The following FAM76B variants were observed in gnomAD, a reference collection of about 807,000 sequenced individuals.
FAM76B encodes family with sequence similarity 76 member B.
In FAM76B, 16 loss-of-function variants were observed where a neutral mutation model predicts 51.8. The ratio of observed to expected loss-of-function variants is 0.31; its 90% CI spans 0.21 to 0.47. The LOEUF (loss-of-function observed/expected upper bound fraction) is 0.47. Among genes scored for constraint, FAM76B ranks in the 20% least tolerant of loss-of-function variants. FAM76B has a pLI of 1.00. For missense variants in FAM76B, 342 were observed against 392.6 expected (o/e 0.87, Z 1.09); for synonymous variants, 166 against 129.5 (o/e 1.28, Z -1.91).
rs1860875324 is a variant in FAM76B, at chr11:95,789,558, G to C, written c.-80C>G. ...GAGAACCCGAGAGCCGCCGCCGCCC[G>C]GGCCGCGGGCTCCTCCTCCTCCCCC... On this transcript the variant is annotated 5_prime_UTR_variant, in exon 1 of 10. Transcript: ENST00000358780. The C allele has an allele frequency of 7.6e-7, 1 of 1,321,798 alleles. No homozygotes were observed. The highest frequency in any genetic ancestry group is 1.5e-5 in the African/African-American group (1 of 65,346). The allele number at this position is 1,321,798 out of a possible 1,614,324, so 81.9% of individuals were successfully genotyped here.
rs1860866651 is a variant in FAM76B, at chr11:95,789,517, G to A, written c.-39C>T. 3 of 1,557,302 alleles carry A rather than the reference G, an allele frequency of 1.9e-6. No homozygotes were observed. Among genetic ancestry groups the A allele is most frequent in the African/African-American group, 1.4e-5 (1 of 72,858 alleles). On this transcript the variant is annotated 5_prime_UTR_variant, in exon 1 of 10. Transcript: ENST00000358780. ...CTCCTCCTCCGCCGCCGCCCGCTCC[G>A]AGGCGGGGCCCTACGGAGAACCCGA...
intron 4 of FAM76B, among the ~76,000 whole-genome samples, 166 bp downstream of exon 4, chr11:95,785,953 C>T (rs1233530948): frequency 6.6e-6 from 1 of 152,200 alleles, no homozygotes; most frequent in African/African-American, 2.4e-5. Flanking sequence ...ATCTATGTAT[C>T]ATGCAAACAA....
chr11:95,776,716 A>G (rs1860028389), intron 8 of FAM76B, among the ~76,000 whole-genome samples: 1 of 151,374 alleles, frequency 6.6e-6, no homozygotes, highest in Admixed American at 6.6e-5. Flanking sequence ...GACATACCTA[A>G]CAGTATAATA....
In FAM76B at chr11:95,779,744, A is replaced by G. The variant is rs1048935958; in HGVS notation, c.612-57T>C. 4 of 1,583,290 alleles carry G rather than the reference A, an allele frequency of 2.5e-6. No homozygotes were observed. The Admixed American group carries it at 5.4e-5, about 21-fold the overall frequency. On this transcript the variant is annotated intron_variant, in intron 6 of 9. Coordinates refer to ENST00000358780, the MANE Select transcript of FAM76B (RefSeq NM_144664.5). ...GTAAAAAGGACAGAGAAACCAAATG[A>G]TAAGTTATTCATCTTCCCCTAAAAT...
rs900651632 is a variant in FAM76B at position 95,772,378 on chromosome 11, GTCCA to G, written c.931-732_931-729del. ...TCTGACTTGAATTTCATTATTAAATGTCCATCCATCACTAGTTTAGTGAAGAGGA... is the reference window on the plus strand; with the variant it reads ...TCTGACTTGAATTTCATTATTAAATGTCCATCACTAGTTTAGTGAAGAGGA... On this transcript the variant is annotated intron_variant, in intron 9 of 9. Transcript: ENST00000358780. 4.0e-5 allele frequency among the ~76,000 whole-genome samples: 6 copies of G among 151,066 alleles called. 1 individual carries two copies. Among genetic ancestry groups the G allele is most frequent in the African/African-American group, 7.3e-5 (3 of 41,286 alleles).
At chr11:95,782,017 C>T (rs896540686) in intron 5 of FAM76B, among the ~76,000 whole-genome samples, 2 of 152,124 alleles carry the variant, frequency 1.3e-5, no homozygotes, top group African/African-American at 4.8e-5. Context: ...CTATCTGAAA[C>T]TTTAAAGACT....
chr11:95,782,876 C>A (rs10831432), intron 5 of FAM76B, among the ~76,000 whole-genome samples, 189 bp downstream of exon 5: 52,747 of 151,916 alleles, frequency 0.35, 9,879 homozygotes, highest in Non-Finnish European at 0.42. Context: ...GTAAACAGCT[C>A]AACATATTTC....
At chr11:95,779,183 A>G in intron 7 of FAM76B, 1 of 1,533,186 alleles carries the variant, frequency 6.5e-7, no homozygotes, top group Non-Finnish European at 8.8e-7. Context: ...CAATACTTCT[A>G]GTGTAAAGCA....
Position 95,786,164 on chromosome 11 carries a change from G to A in FAM76B, c.318C>T (p.Cys106=), listed in dbSNP as rs769765174. The A allele has an allele frequency of 6.2e-7, 1 of 1,613,610 alleles. No homozygotes were observed. The highest frequency in any genetic ancestry group is 8.5e-7 in the Non-Finnish European group (1 of 1,179,714). ...TCCGATCAAAAGCACATTGCTGTTT[G>A]CACTGTTCACAGGTCTGAGGTGGTC... ...KYGPPQTCEQ[C]KQQCAFDRKE... Residue 106 remains cysteine (C), a synonymous_variant, in exon 4 of 10, where the codon TGC becomes TGT. Transcript: ENST00000358780.
At chr11:95,786,375 A>C (rs1860589944) in intron 3 of FAM76B, 101 bp from the exon 4 acceptor site, 1 of 1,410,476 alleles carries the variant, frequency 7.1e-7, no homozygotes, top group African/African-American at 1.4e-5. Context: ...AAGAAAACTC[A>C]GGTAAAAAAT....
rs56286316 is a variant in FAM76B at position 95,786,323 on chromosome 11, G to A, written c.208-49C>T. On this transcript the variant is annotated intron_variant, in intron 3 of 9. Coordinates refer to ENST00000358780, the MANE Select transcript of FAM76B (RefSeq NM_144664.5). ...ACTTTTAAAAACATTAAATATTTGC[G>A]GCATAGCATATACCCAGTGTTGTAG... 2,072 of 1,601,116 alleles carry A rather than the reference G, an allele frequency of 1.3e-3. 27 individuals carry two copies. In the African/African-American group the frequency reaches 0.023, roughly 18 times the overall value.
In FAM76B at chr11:95,770,433, T is replaced by G. The variant is rs1859716177; in HGVS notation, c.*1128A>C. On this transcript the variant is annotated 3_prime_UTR_variant, in exon 10 of 10. Transcript: ENST00000358780. Reference sequence around the variant, plus strand: ...AATTACATTGTACATAAATATTAACTTAGATAACCACACATAGGGAAAGCA... The same window carrying G: ...AATTACATTGTACATAAATATTAACGTAGATAACCACACATAGGGAAAGCA... 1.3e-5 allele frequency: 2 copies of G among 151,758 alleles called. No individual in the cohort carries two copies. The highest frequency in any genetic ancestry group is 4.2e-4 in the South Asian group (2 of 4,812). The allele number at this position is 151,758 out of a possible 1,614,324, so 9.4% of individuals were successfully genotyped here.
chr11:95,781,605 G>C (rs1346797631), intron 5 of FAM76B, among the ~76,000 whole-genome samples: 1 of 152,090 alleles, frequency 6.6e-6, no homozygotes, highest in African/African-American at 2.4e-5. Context: ...AAAGAATAGG[G>C]AAAGGAGACA....
chr11:95,783,945 TTA>T (rs1860415146), intron 4 of FAM76B, among the ~76,000 whole-genome samples: 1 of 152,210 alleles, frequency 6.6e-6, no homozygotes, highest in South Asian at 2.1e-4. Context: ...TTTCAAGTTT[TTA>T]TAGTCCCAAA....
chr11:95,772,412 G>GT (rs1859807214), intron 9 of FAM76B, among the ~76,000 whole-genome samples: 1 of 151,144 alleles, frequency 6.6e-6, no homozygotes, highest in Non-Finnish European at 1.5e-5. Flanking sequence ...AGAGGAATGT[G>GT]TAAGTACAGT....
At position 95,771,602 on chromosome 11, in the gene FAM76B, T is replaced by A. The variant is rs760838810; in HGVS notation, c.979A>T (p.Lys327Ter). Residue 327 changes from lysine (K) to a stop codon, truncating the protein, a stop_gained, in exon 10 of 10, where the codon AAA (lysine) becomes TAA (stop). Coordinates refer to ENST00000358780, the MANE Select transcript of FAM76B (RefSeq NM_144664.5). LOFTEE classifies it high-confidence loss of function. ...ATGCTTCCACTTTTGTCAAATTTTT[T>A]ACCCTTTGATAATGCTGCGACCTGT... is the stretch of plus-strand genomic sequence containing the variant. ...LKQVAALSKG[K>*]KFDKSGSILT... 1 of 1,607,626 alleles carries A rather than the reference T, an allele frequency of 6.2e-7. No individual in the cohort carries two copies. Among genetic ancestry groups the A allele is most frequent in the Non-Finnish European group, 8.5e-7 (1 of 1,175,362 alleles).
chr11:95,773,208 A>G (rs1417789738), intron 9 of FAM76B, among the ~76,000 whole-genome samples: 1 of 151,136 alleles, frequency 6.6e-6, no homozygotes, highest in African/African-American at 2.4e-5. Context: ...AGGTCTTCAA[A>G]GCAATTTTTC....
chr11:95,779,904 C>T lies in FAM76B; in HGVS notation c.586G>A (p.Glu196Lys), dbSNP rs1860182666. The change falls in exon 6 of 10, where the codon GAA (glutamate) becomes AAA (lysine). Residue 196 changes from glutamate to lysine, a missense_variant. By Grantham distance (56) the Glu-to-Lys change is moderately conservative. Coordinates refer to ENST00000358780, the MANE Select transcript of FAM76B (RefSeq NM_144664.5). ...CTCTGTTTCCACAGTCCCTGCTCTT[C>T]TTCTGGACTTAGATTGCTGATTCTG... ...HHKISNLSPE[E>K]EQGLWKQSHK... The T allele has an allele frequency of 2.5e-6, 4 of 1,604,954 alleles. No individual in the cohort carries two copies. The East Asian group carries it at 6.8e-5, about 27-fold the overall frequency.
Position 95,789,419 on chromosome 11 carries a change from C to A in FAM76B, c.60G>T (p.Glu20Asp), listed in dbSNP as rs781189810. The change falls in exon 1 of 10, where the codon GAG becomes GAT. Residue 20 changes from glutamate to aspartate, a missense_variant. By Grantham distance (45) the Glu-to-Asp change is conservative. Around this residue, in one of 3 missense-constraint regions of FAM76B, gnomAD observed 96 missense variants for 94.7 expected, o/e 1.01. Transcript: ENST00000358780. The part of the protein sequence containing the change: ...TKCTQRYPFE[E>D]LSQGQQLCKE... ...TGCAGAGCTGCTGGCCCTGGGAGAG[C>A]TCCTCGAAAGGATAACGCTGGGTAC... The A allele has an allele frequency of 7.5e-6, 12 of 1,607,824 alleles. No individual in the cohort carries two copies. The highest frequency in any genetic ancestry group is 2.2e-5 in the East Asian group (1 of 44,558).
Sources: gnomAD v4.1 joint callset for allele counts (sites outside exome capture counted in the v4.1 genomes callset) on GRCh38, gnomAD v4.1.1 for gene constraint, gnomAD v4.1.1 regional missense constraint, MANE v1.5 for transcripts, NCBI Gene and HGNC (gene_info 2026-07-23, HGNC 2026-07-21) for gene names.